The following GOLGA4 variants were observed in gnomAD, a reference collection of about 807,000 sequenced individuals.
The protein encoded by GOLGA4 is golgin subfamily A member 4.
A neutral mutation model predicts 265.9 loss-of-function variants in GOLGA4; 169 were observed. That is an observed-to-expected ratio of 0.64 (90% confidence interval 0.56 to 0.72). The LOEUF (loss-of-function observed/expected upper bound fraction) is 0.72, where lower values mean the gene tolerates loss of function less well. Ranked by LOEUF, GOLGA4 falls within the 30% of genes least tolerant of loss-of-function variation. The probability of loss-of-function intolerance (pLI) is 0.00; values close to 1 mark genes in which losing one functional copy is unlikely to be tolerated. For missense variants in GOLGA4, 2,482 were observed against 2,483.4 expected, an observed-to-expected ratio of 1.00 and a Z score of 0.01; for synonymous variants, 923 against 855.8, an observed-to-expected ratio of 1.08 and a Z score of -1.37.
intron 2 of GOLGA4, among the ~76,000 whole-genome samples, chr3:37,267,839 T>C (rs1026637069): frequency 2.6e-5 from 4 of 152,218 alleles, no homozygotes; most frequent in Non-Finnish European, 4.4e-5. Flanking sequence ...ACTTGAACCA[T>C]GTAGCCAGTG....
Position 37,318,969 on chromosome 3 carries a change from ATTAG to A in GOLGA4, c.1414-91_1414-88del, listed in dbSNP as rs2096946209. 5 of 822,606 alleles carry A rather than the reference ATTAG, an allele frequency of 6.1e-6. 1 individual carries two copies. In the East Asian group the frequency reaches 8.1e-5, roughly 13 times the overall value. The allele number at this position is 822,606 out of a possible 1,614,324, so 51.0% of individuals were successfully genotyped here. ...TGTGATTTTTTCTTCTTAAAAACTT[ATTAG>A]TTTGAGTAAATTATAATAGTATTAT... On this transcript the variant is annotated intron_variant, in intron 11 of 23. Coordinates refer to ENST00000361924, the MANE Select transcript of GOLGA4 (RefSeq NM_002078.5).
At chr3:37,313,510 AC>A (rs2096928587) in intron 10 of GOLGA4, 1 of 152,130 alleles carries the variant, frequency 6.6e-6, no homozygotes, top group Non-Finnish European at 1.5e-5. Context: ...CCTGGGACAT[AC>A]GTTTCTTGGT....
At position 37,243,727 on chromosome 3, in the gene GOLGA4, C is replaced by T. The variant is rs180946387; in HGVS notation, c.72+105C>T. The stretch of plus-strand genomic sequence containing the variant: ...GGGAAGTTCTTCCGTGACCTTTAAC[C>T]CCTAACCCGCACTTTTCCCAAACTC... On this transcript the variant is annotated intron_variant, in intron 1 of 23. Coordinates refer to ENST00000361924, the MANE Select transcript of GOLGA4 (RefSeq NM_002078.5). 601 of 913,442 alleles carry T rather than the reference C, an allele frequency of 6.6e-4. No individual in the cohort carries two copies. In the African/African-American group the frequency reaches 8.7e-3, roughly 13 times the overall value. 56.6% of individuals were successfully genotyped at this position (913,442 alleles called of 1,614,324 possible). A position where few individuals can be genotyped will look rare whatever the true frequency, so the allele number is the denominator to read the frequency against.
intron 23 of GOLGA4, among the ~76,000 whole-genome samples, chr3:37,364,720 G>A (rs1447175874): frequency 1.8e-4 from 27 of 150,700 alleles, no homozygotes; most frequent in Non-Finnish European, 5.9e-5. Context: ...CTGAGTAGCT[G>A]GGACCACAGA....
intron 12 of GOLGA4, among the ~76,000 whole-genome samples, chr3:37,320,951 A>G (rs995572008): frequency 3.3e-5 from 5 of 152,194 alleles, no homozygotes; most frequent in Non-Finnish European, 7.4e-5. Context: ...TTATCAACCT[A>G]CTCATAACAT....
intron 2 of GOLGA4, among the ~76,000 whole-genome samples, chr3:37,261,341 AAAAC>A (rs2150668136): frequency 6.6e-6 from 1 of 152,274 alleles, no homozygotes; most frequent in East Asian, 1.9e-4. Flanking sequence ...AGTAGTAGAT[AAAAC>A]TTAAAAAACA....
At chr3:37,299,761 A>C (rs879734539) in intron 9 of GOLGA4, among the ~76,000 whole-genome samples, 2 of 152,182 alleles carry the variant, frequency 1.3e-5, no homozygotes, top group Non-Finnish European at 2.9e-5. Flanking sequence ...CTAACAAATA[A>C]ATAAGGGGCT....
chr3:37,281,725 C>G (rs993667318), intron 2 of GOLGA4, among the ~76,000 whole-genome samples: 1 of 152,210 alleles, frequency 6.6e-6, no homozygotes, highest in African/African-American at 2.4e-5. Context: ...GAAGGGCATT[C>G]TACCTCTAGG....
chr3:37,326,876 G>A lies in GOLGA4; in HGVS notation c.4990G>A (p.Glu1664Lys). 1 of 1,613,496 alleles carries A rather than the reference G, an allele frequency of 6.2e-7. No homozygotes were observed. Among genetic ancestry groups the A allele is most frequent in the Non-Finnish European group, 8.5e-7 (1 of 1,179,702 alleles). ...QLLSQMEEKE[E>K]QYKKGTESHL... is the part of the protein sequence containing the mutation. ...GTTATCTCAAATGGAAGAGAAAGAAGAACAGTATAAAAAAGGTACAGAAAG... is the reference window on the plus strand; with the variant it reads ...GTTATCTCAAATGGAAGAGAAAGAAAAACAGTATAAAAAAGGTACAGAAAG... The change falls in exon 14 of 24, where the codon GAA (glutamate) becomes AAA (lysine). Residue 1664 changes from glutamate (E) to lysine (K), a missense_variant. Physicochemically the swap from Glu to Lys is moderately conservative, Grantham distance 56. Around this residue, in one of 3 missense-constraint regions of GOLGA4, gnomAD observed 942 missense variants for 983.1 expected, o/e 0.96. Transcript: ENST00000361924.
At chr3:37,281,581 A>ATG (rs1216786016) in intron 2 of GOLGA4, among the ~76,000 whole-genome samples, 2 of 152,220 alleles carry the variant, frequency 1.3e-5, no homozygotes, top group African/African-American at 4.8e-5. Context: ...CAGATGGTGT[A>ATG]TGGAGATGGT....
At chr3:37,275,511 C>G (rs1359586173) in intron 2 of GOLGA4, among the ~76,000 whole-genome samples, 2 of 152,126 alleles carry the variant, frequency 1.3e-5, no homozygotes, top group Non-Finnish European at 2.9e-5. Flanking sequence ...CAGAACATAT[C>G]CAGTGATCTT....
At chr3:37,246,024 A>C (rs2096718584) in intron 1 of GOLGA4, among the ~76,000 whole-genome samples, 1 of 152,058 alleles carries the variant, frequency 6.6e-6, no homozygotes, top group African/African-American at 2.4e-5. Flanking sequence ...GCTTGAACTC[A>C]GTAGTTCAAG....
chr3:37,261,409 G>GGGAAT (rs2096769605), intron 2 of GOLGA4, among the ~76,000 whole-genome samples: 1 of 152,206 alleles, frequency 6.6e-6, no homozygotes, highest in Non-Finnish European at 1.5e-5. Flanking sequence ...TGGGCTGAGA[G>GGGAAT]GGAATGAATC....
At chr3:37,257,894 C>CATACAT (rs1246022139) in intron 2 of GOLGA4, among the ~76,000 whole-genome samples, 1 of 104,930 alleles carries the variant, frequency 9.5e-6, no homozygotes, top group African/African-American at 4.8e-5. Context: ...CATATATATA[C>CATACAT]ATATATATAT....
rs1287441935 is a variant in GOLGA4, at chr3:37,365,856, C to A, written c.*34-224C>A. ...CTGTGTTGACCAGGCTGGTCTCGAACTCCTGGCCTCAAGTGATTCTCCCAT... is the reference window on the plus strand; with the variant it reads ...CTGTGTTGACCAGGCTGGTCTCGAAATCCTGGCCTCAAGTGATTCTCCCAT... On this transcript the variant is annotated intron_variant, in intron 23 of 23. Coordinates refer to ENST00000361924, the MANE Select transcript of GOLGA4 (RefSeq NM_002078.5). 4.0e-5 allele frequency among the ~76,000 whole-genome samples: 6 copies of A among 149,034 alleles called. No individual in the cohort carries two copies. The South Asian group carries it at 1.3e-3, about 32-fold the overall frequency.
chr3:37,326,271 A>T lies in GOLGA4; in HGVS notation c.4385A>T (p.Glu1462Val). 1 of 1,613,292 alleles carries T rather than the reference A, an allele frequency of 6.2e-7. No homozygotes were observed. The highest frequency in any genetic ancestry group is 8.5e-7 in the Non-Finnish European group (1 of 1,179,530). ...RFTQHQNTVK[E>V]LQIQLELKSK... is the part of the protein sequence containing the mutation. The stretch of plus-strand genomic sequence containing the variant: ...ACACAGCATCAAAACACTGTTAAAG[A>T]ATTGCAGATCCAGCTTGAGTTAAAA... The change falls in exon 14 of 24, where the codon GAA (glutamate) becomes GTA (valine). Residue 1462 changes from glutamate (E) to valine (V), a missense_variant. Coordinates refer to ENST00000361924, the MANE Select transcript of GOLGA4 (RefSeq NM_002078.5).
At position 37,325,425 on chromosome 3, in the gene GOLGA4, C is replaced by T; in HGVS notation, c.3539C>T (p.Thr1180Ile). ...KVSELTSKLK[T>I]TDEEFQSLKS... ...TCTGAGTTGACTAGCAAGTTGAAAA[C>T]CACAGATGAAGAATTCCAGAGTTTG... Residue 1180 changes from threonine (T) to isoleucine (I), a missense_variant, in exon 14 of 24, where the codon ACC (threonine) becomes ATC (isoleucine). Coordinates refer to ENST00000361924, the MANE Select transcript of GOLGA4 (RefSeq NM_002078.5). The T allele has an allele frequency of 1.2e-6, 2 of 1,611,046 alleles. No homozygotes were observed. The highest frequency in any genetic ancestry group is 1.7e-6 in the Non-Finnish European group (2 of 1,179,074).
chr3:37,295,029 T>G lies in GOLGA4; in HGVS notation c.633T>G (p.Asp211Glu), dbSNP rs144791036. Reference sequence around the variant, plus strand: ...AGAAACATCTGCAAGAGGAGTTTGATGCATCTTTAGAGGAGAAAGATCAGT... The same window carrying G: ...AGAAACATCTGCAAGAGGAGTTTGAGGCATCTTTAGAGGAGAAAGATCAGT... The part of the protein sequence containing the change: ...QAKKHLQEEF[D>E]ASLEEKDQYI... Residue 211 changes from aspartate (D) to glutamate (E), a missense_variant, in exon 6 of 24, where the codon GAT (aspartate) becomes GAG (glutamate). Asp to Glu is a conservative substitution (Grantham distance 45). This residue lies in a region of GOLGA4 where 1,536 missense variants were observed against 1,483.7 expected (regional missense o/e 1.04). Transcript: ENST00000361924. 2.5e-6 allele frequency: 4 copies of G among 1,610,702 alleles called. No homozygotes were observed. Among genetic ancestry groups the G allele is most frequent in the Non-Finnish European group, 3.4e-6 (4 of 1,177,736 alleles).
intron 2 of GOLGA4, among the ~76,000 whole-genome samples, chr3:37,257,918 T>TATATAC (rs1491359015): frequency 4.9e-5 from 6 of 121,290 alleles, no homozygotes; most frequent in African/African-American, 2.0e-4. Context: ...TATATATGTA[T>TATATAC]GTATATATGT....
Sources: allele counts gnomAD v4.1 joint callset (sites outside exome capture counted in the v4.1 genomes callset), GRCh38; gene constraint gnomAD v4.1.1; regional missense constraint gnomAD v4.1.1; transcripts MANE v1.5; gene names NCBI Gene and HGNC (gene_info 2026-07-23, HGNC 2026-07-21).